LRMDA: variants seen among roughly 807,000 people sequenced by gnomAD.
LRMDA encodes the protein leucine rich melanocyte differentiation associated, also known as leucine-rich melanocyte differentiation-associated protein.
A neutral mutation model predicts 29.8 loss-of-function variants in LRMDA; 18 were observed. That is an observed-to-expected ratio of 0.60 (90% CI 0.42 to 0.90). LRMDA has a LOEUF of 0.90. LRMDA is among the 40% of genes least tolerant of loss of function. The pLI is 0.00. For missense variants in LRMDA, 273 were observed against 273.9 expected, an observed-to-expected ratio of 1.00 and a Z score of 0.02; for synonymous variants, 125 against 109.4, an observed-to-expected ratio of 1.14 and a Z score of -0.89.
At chr10:75,861,238 G>A (rs982911482) in intron 2 of LRMDA, among the ~76,000 whole-genome samples, 1 of 152,240 alleles carries the variant, frequency 6.6e-6, no homozygotes, top group African/African-American at 2.4e-5. Context: ...CAAGCCCATG[G>A]GGTTATTACA....
At chr10:75,567,991 T>C (rs1246802358) in intron 2 of LRMDA, among the ~76,000 whole-genome samples, 1 of 152,190 alleles carries the variant, frequency 6.6e-6, no homozygotes, top group Admixed American at 6.5e-5. Flanking sequence ...ACAAGCACAT[T>C]ATCTTGAAAA....
intron 6 of LRMDA, among the ~76,000 whole-genome samples, chr10:76,453,966 G>A (rs1490236468): frequency 6.6e-6 from 1 of 152,132 alleles, no homozygotes. Flanking sequence ...TGTCGTGAAC[G>A]TTTACAAAAG....
intron 5 of LRMDA, among the ~76,000 whole-genome samples, chr10:76,069,607 T>A (rs906729874): frequency 6.6e-6 from 1 of 152,174 alleles, no homozygotes; most frequent in South Asian, 2.1e-4. Flanking sequence ...CTGTCTTTTT[T>A]TTTTTTTTCT....
intron 2 of LRMDA, among the ~76,000 whole-genome samples, chr10:75,660,602 G>A (rs921049083): frequency 2.0e-5 from 3 of 152,154 alleles, no homozygotes; most frequent in South Asian, 4.2e-4. Context: ...AAGATGAGTT[G>A]CAGCCACTTT....
intron 6 of LRMDA, among the ~76,000 whole-genome samples, chr10:76,511,196 G>A (rs1012825348): frequency 3.3e-5 from 5 of 152,108 alleles, no homozygotes; most frequent in African/African-American, 1.2e-4. Flanking sequence ...GGCTTTCTAG[G>A]GAGAGCAGAG....
intron 2 of LRMDA, among the ~76,000 whole-genome samples, chr10:75,728,685 G>A (rs921589431): frequency 1.3e-5 from 2 of 152,134 alleles, no homozygotes; most frequent in African/African-American, 2.4e-5. Context: ...CCATGAACTC[G>A]ATCTGAGCCT....
intron 6 of LRMDA, among the ~76,000 whole-genome samples, chr10:76,346,741 T>C (rs1841113649): frequency 6.6e-6 from 1 of 152,154 alleles, no homozygotes; most frequent in Non-Finnish European, 1.5e-5. Context: ...ATTTTATATA[T>C]GAGGAAATTG....
At chr10:75,565,748 T>C (rs372610015) in intron 2 of LRMDA, among the ~76,000 whole-genome samples, 3 of 152,212 alleles carry the variant, frequency 2.0e-5, no homozygotes, top group East Asian at 3.8e-4. Flanking sequence ...TACTTAGTTT[T>C]AAACTCTAAA....
chr10:75,586,718 T>C (rs545432042), intron 2 of LRMDA, among the ~76,000 whole-genome samples: 5 of 152,232 alleles, frequency 3.3e-5, no homozygotes, highest in Middle Eastern at 3.4e-3. Flanking sequence ...ATTTCCCTGA[T>C]GGTTAGTGAC....
intron 2 of LRMDA, among the ~76,000 whole-genome samples, chr10:75,752,908 T>C (rs1842985125): frequency 6.6e-6 from 1 of 152,224 alleles, no homozygotes; most frequent in Non-Finnish European, 1.5e-5. Flanking sequence ...CATAGCCCCT[T>C]TCAGCTACCA....
intron 2 of LRMDA, among the ~76,000 whole-genome samples, chr10:75,497,686 A>G (rs1057428897): frequency 5.3e-5 from 8 of 149,910 alleles, no homozygotes; most frequent in Admixed American, 1.3e-4. Context: ...CTGTTTTACG[A>G]CTTCACACAA....
At chr10:75,979,687 C>T (rs142324024) in intron 2 of LRMDA, among the ~76,000 whole-genome samples, 383 of 152,098 alleles carry the variant, frequency 2.5e-3, no homozygotes, top group Non-Finnish European at 4.5e-3. Flanking sequence ...GTCAAGGACC[C>T]CTTCATTCCA....
At chr10:75,746,295 T>A (rs1439577644) in intron 2 of LRMDA, among the ~76,000 whole-genome samples, 1 of 152,262 alleles carries the variant, frequency 6.6e-6, no homozygotes, top group African/African-American at 2.4e-5. Flanking sequence ...AACAATACAA[T>A]TCCAACTCAC....
At chr10:76,329,391 T>C (rs137952380) in intron 6 of LRMDA, among the ~76,000 whole-genome samples, 1 of 152,338 alleles carries the variant, frequency 6.6e-6, no homozygotes, top group African/African-American at 2.4e-5. Flanking sequence ...CTAGTGAATG[T>C]CCCTGAATTA....
intron 2 of LRMDA, among the ~76,000 whole-genome samples, chr10:75,765,284 C>T (rs1042400759): frequency 2.6e-5 from 4 of 151,890 alleles, no homozygotes; most frequent in South Asian, 2.1e-4. Flanking sequence ...GACTTGCAGC[C>T]CAGGTTAATT....
intron 2 of LRMDA, among the ~76,000 whole-genome samples, chr10:75,939,178 G>T (rs1176731635): frequency 2.0e-5 from 3 of 152,252 alleles, no homozygotes; most frequent in African/African-American, 7.2e-5. Flanking sequence ...GTGGTGAGGG[G>T]CCCTGGACCT....
chr10:75,907,117 G>GGA lies in LRMDA; in HGVS notation c.132-128882_132-128881dup, dbSNP rs201397862. ...AATTATTGTTGTGAAAAGAGTCATA[G>GGA]GAGAGAGAGAATGTGTGTGTTTTTT... On this transcript the variant is annotated intron_variant, in intron 2 of 6. Transcript: ENST00000611255. Among the ~76,000 whole-genome samples the GGA allele has an allele frequency of 5.6e-3, 847 of 152,282 alleles. 9 individuals carry two copies. Among genetic ancestry groups the GGA allele is most frequent in the African/African-American group, 0.019 (792 of 41,548 alleles).
intron 2 of LRMDA, among the ~76,000 whole-genome samples, chr10:75,959,767 C>T (rs942043067): frequency 3.9e-5 from 6 of 152,176 alleles, no homozygotes; most frequent in Admixed American, 1.3e-4. Flanking sequence ...TATCATCCAA[C>T]TGGCATCCAA....
chr10:76,537,530 T>C (rs142060866), intron 6 of LRMDA, among the ~76,000 whole-genome samples: 58 of 152,304 alleles, frequency 3.8e-4, no homozygotes, highest in African/African-American at 1.3e-3. Flanking sequence ...TTTCTTGCCT[T>C]TTCCAGCTTC....
Sources: gnomAD v4.1 joint callset for allele counts (sites outside exome capture counted in the v4.1 genomes callset) on GRCh38, gnomAD v4.1.1 for gene constraint, MANE v1.5 for transcripts, NCBI Gene and HGNC (gene_info 2026-07-23, HGNC 2026-07-21) for gene names.